Variants in CPNE4 observed in about 807,000 individuals in gnomAD.
CPNE4 encodes copine-4.
CPNE4 carries 25 observed loss-of-function variants against 67.9 expected under a neutral mutation model. The ratio of observed to expected loss-of-function variants is 0.37; its 90% CI spans 0.27 to 0.51. The LOEUF is 0.51. Among genes scored for constraint, CPNE4 ranks in the 20% least tolerant of loss-of-function variants. CPNE4 has a pLI of 0.93. For missense variants in CPNE4, 464 were observed against 690.8 expected (o/e 0.67, Z 3.68); for synonymous variants, 242 against 244.9 (o/e 0.99, Z 0.11).
At chr3:131,953,249 A>AAAAAAAT (rs1553813399) in intron 1 of CPNE4, among the ~76,000 whole-genome samples, 34 of 141,142 alleles carry the variant, frequency 2.4e-4, no homozygotes, top group Admixed American at 4.4e-4. Flanking sequence ...TAAAAAAAAA[A>AAAAAAAT]AAAAAAAAAA....
intron 2 of CPNE4, among the ~76,000 whole-genome samples, chr3:131,767,915 C>A (rs2083064176): frequency 6.6e-6 from 1 of 152,082 alleles, no homozygotes; most frequent in African/African-American, 2.4e-5. Flanking sequence ...AATTTCTGGA[C>A]TGTCTGGGTC....
chr3:131,998,878 T>G (rs1354025658), intron 1 of CPNE4, among the ~76,000 whole-genome samples: 2 of 152,074 alleles, frequency 1.3e-5, no homozygotes, highest in Non-Finnish European at 2.9e-5. Context: ...CATTTTGGAT[T>G]ATGGAACGAT....
intron 7 of CPNE4, among the ~76,000 whole-genome samples, chr3:131,647,592 G>T (rs1444495858): frequency 6.6e-6 from 1 of 152,168 alleles, no homozygotes; most frequent in Admixed American, 6.5e-5. Flanking sequence ...CCTAGAGGAG[G>T]TTTGATTTTT....
At chr3:131,713,767 T>C (rs2081616160) in intron 3 of CPNE4, among the ~76,000 whole-genome samples, 2 of 152,172 alleles carry the variant, frequency 1.3e-5, no homozygotes, top group Admixed American at 1.3e-4. Flanking sequence ...AAAGTTATGA[T>C]TCCTTGCCTG....
intron 7 of CPNE4, among the ~76,000 whole-genome samples, chr3:131,602,927 A>G (rs1449401957): frequency 6.6e-6 from 1 of 152,206 alleles, no homozygotes; most frequent in South Asian, 2.1e-4. Flanking sequence ...TAGATACTCA[A>G]TAAGGCAGAA....
rs371278241 is a variant in CPNE4 at position 131,906,306 on chromosome 3, G to A, written c.-1-862C>T. ...TTAGGGTACATGGGCACAATGTGCA[G>A]GTTAGTTACATATGTATACATGTGC... On this transcript the variant is annotated intron_variant, in intron 1 of 15. Coordinates refer to ENST00000429747, the MANE Select transcript of CPNE4 (RefSeq NM_130808.3). Among the ~76,000 whole-genome samples, 6 of 151,690 alleles carry A rather than the reference G, an allele frequency of 4.0e-5. No homozygotes were observed. In the East Asian group the frequency reaches 1.2e-3, roughly 30 times the overall value.
chr3:131,535,960 G>A (rs1935121226), intron 15 of CPNE4, among the ~76,000 whole-genome samples: 1 of 152,162 alleles, frequency 6.6e-6, no homozygotes, highest in African/African-American at 2.4e-5. Flanking sequence ...AACTTATCTT[G>A]GAGGCTTCTA....
At chr3:131,916,718 C>T (rs1443924770) in intron 1 of CPNE4, among the ~76,000 whole-genome samples, 1 of 152,122 alleles carries the variant, frequency 6.6e-6, no homozygotes, top group South Asian at 2.1e-4. Flanking sequence ...AATACAGCGG[C>T]TACTAGTAAC....
intron 1 of CPNE4, among the ~76,000 whole-genome samples, chr3:131,976,826 G>C (rs1285356680): frequency 6.7e-6 from 1 of 149,990 alleles, no homozygotes; most frequent in Non-Finnish European, 1.5e-5. Context: ...TTTTGAGACA[G>C]AGTCTCACCG....
chr3:131,957,729 T>A (rs978900797), intron 1 of CPNE4, among the ~76,000 whole-genome samples: 3 of 152,224 alleles, frequency 2.0e-5, no homozygotes, highest in African/African-American at 7.2e-5. Flanking sequence ...AAAGATTTGT[T>A]GCACACAGCC....
At chr3:131,541,004 C>T (rs1318738729) in intron 15 of CPNE4, among the ~76,000 whole-genome samples, 1 of 152,204 alleles carries the variant, frequency 6.6e-6, no homozygotes, top group Non-Finnish European at 1.5e-5. Flanking sequence ...GTTGCCAGGG[C>T]AGCTCAAGTT....
intron 7 of CPNE4, among the ~76,000 whole-genome samples, chr3:131,592,251 T>G (rs1334379518): frequency 6.6e-6 from 1 of 152,176 alleles, no homozygotes; most frequent in Non-Finnish European, 1.5e-5. Flanking sequence ...ATTAACTCCC[T>G]TAGTCCACAG....
intron 14 of CPNE4, among the ~76,000 whole-genome samples, chr3:131,545,556 T>C (rs1935786173): frequency 6.6e-6 from 1 of 152,242 alleles, no homozygotes; most frequent in Admixed American, 6.5e-5. Context: ...TTACAGTACC[T>C]ACATATATTT....
intron 2 of CPNE4, among the ~76,000 whole-genome samples, chr3:131,772,637 C>T (rs1314288528): frequency 1.3e-5 from 2 of 152,134 alleles, no homozygotes; most frequent in Non-Finnish European, 2.9e-5. Flanking sequence ...TACAGATGGC[C>T]TGGTAACGCT....
chr3:131,611,825 G>T (rs1408906011), intron 7 of CPNE4, among the ~76,000 whole-genome samples: 2 of 151,916 alleles, frequency 1.3e-5, no homozygotes, highest in African/African-American at 4.8e-5. Context: ...TCCTCTCTCA[G>T]CTTGCCAGAA....
intron 3 of CPNE4, among the ~76,000 whole-genome samples, chr3:131,720,330 G>A (rs1239091563): frequency 2.7e-5 from 4 of 147,398 alleles, no homozygotes; most frequent in Admixed American, 6.9e-5. Context: ...TGTCACCCAG[G>A]CTGGAGTGCA....
intron 13 of CPNE4, among the ~76,000 whole-genome samples, chr3:131,551,138 C>T (rs1037613425): frequency 6.6e-6 from 1 of 152,026 alleles, no homozygotes. Flanking sequence ...GATTATTCTC[C>T]ATAACCACCA....
chr3:131,693,734 CCT>C (rs931866974), intron 5 of CPNE4, among the ~76,000 whole-genome samples: 2 of 151,956 alleles, frequency 1.3e-5, no homozygotes, highest in African/African-American at 4.8e-5. Flanking sequence ...CCTGACCTCC[CCT>C]CTTACCTCCC....
intron 11 of CPNE4, among the ~76,000 whole-genome samples, chr3:131,562,121 T>C (rs116582926): frequency 6.6e-6 from 1 of 152,174 alleles, no homozygotes; most frequent in African/African-American, 2.4e-5. Context: ...ACTCTTAAGG[T>C]TTCATATCTT....
Sources: gnomAD v4.1 joint callset for allele counts (sites outside exome capture counted in the v4.1 genomes callset) on GRCh38, gnomAD v4.1.1 for gene constraint, MANE v1.5 for transcripts, NCBI Gene and HGNC (gene_info 2026-07-23, HGNC 2026-07-21) for gene names.